RARB: variants seen among roughly 807,000 people sequenced by gnomAD.
RARB encodes the protein HBV-activated protein.
RARB carries 17 observed loss-of-function variants against 51.9 expected under a neutral mutation model. The ratio of observed to expected loss-of-function variants is 0.33; its 90% CI spans 0.22 to 0.49. The LOEUF (loss-of-function observed/expected upper bound fraction) is 0.49, where lower values mean the gene tolerates loss of function less well. Ranked by LOEUF, RARB falls within the 20% of genes least tolerant of loss-of-function variation. The pLI is 0.99. For missense variants in RARB, 369 were observed against 550.8 expected (o/e 0.67, Z 3.30); for synonymous variants, 215 against 195.4 (o/e 1.10, Z -0.84).
chr3:25,071,543 A>G lies in RARB; in HGVS notation c.-328+11367A>G, dbSNP rs191580541. The stretch of plus-strand genomic sequence containing the variant: ...CTTGCCAAACGGGAAAAACATGAAC[A>G]AGAAACTACTGCTTTGGAAACTTAG... On this transcript the variant is annotated intron_variant, in intron 3 of 11. Coordinates refer to the RARB transcript ENST00000383772. Among the ~76,000 whole-genome samples, 9 of 152,332 alleles carry G rather than the reference A, an allele frequency of 5.9e-5. No homozygotes were observed. The East Asian group carries it at 1.7e-3, about 29-fold the overall frequency.
chr3:25,283,869 C>T lies in RARB; in HGVS notation c.178+109294C>T, dbSNP rs895696964. Reference sequence around the variant, plus strand: ...TGGGGCAGGCAGCCTTCTCTAGTAGCGCTCAGTGATCCCCACCTCCTGGCA... The same window carrying T: ...TGGGGCAGGCAGCCTTCTCTAGTAGTGCTCAGTGATCCCCACCTCCTGGCA... On this transcript the variant is annotated intron_variant, in intron 5 of 11. Transcript: ENST00000383772. Among the ~76,000 whole-genome samples the T allele has an allele frequency of 1.8e-4, 28 of 152,306 alleles. No individual in the cohort carries two copies. In the East Asian group the frequency reaches 4.8e-3, roughly 26 times the overall value.
intron 5 of RARB, among the ~76,000 whole-genome samples, chr3:25,191,973 T>A (rs1195656756): frequency 1.3e-5 from 2 of 152,038 alleles, no homozygotes; most frequent in South Asian, 4.1e-4. Context: ...AGACAGTGAG[T>A]GTTGACATAA....
At chr3:24,882,160 T>C (rs1703180169) in intron 2 of RARB, among the ~76,000 whole-genome samples, 1 of 152,194 alleles carries the variant, frequency 6.6e-6, no homozygotes, top group Middle Eastern at 3.2e-3. Context: ...ACATTCTGCA[T>C]TAAAATCAAT....
chr3:25,251,231 ATT>A (rs1446018455), intron 5 of RARB, among the ~76,000 whole-genome samples: 1 of 152,012 alleles, frequency 6.6e-6, no homozygotes, highest in Non-Finnish European at 1.5e-5. Flanking sequence ...ATAATATTAT[ATT>A]TTATAGATAT....
At chr3:25,254,560 C>A (rs991175362) in intron 5 of RARB, among the ~76,000 whole-genome samples, 3 of 152,014 alleles carry the variant, frequency 2.0e-5, no homozygotes, top group African/African-American at 7.2e-5. Context: ...GTTTTTCTTT[C>A]TCTGACAGTT....
At chr3:25,464,830 G>T (rs1695351168) in intron 2 of RARB, among the ~76,000 whole-genome samples, 2 of 152,008 alleles carry the variant, frequency 1.3e-5, no homozygotes, top group South Asian at 2.1e-4. Context: ...TCAGAAAAAT[G>T]GAATTTTGTG....
upstream of RARB, among the ~76,000 whole-genome samples, chr3:25,427,863 G>A (rs753839657): frequency 1.2e-4 from 19 of 152,140 alleles, no homozygotes; most frequent in Admixed American, 3.3e-4. Flanking sequence ...GGAATTTAAA[G>A]TGTGGGCTGG....
At chr3:25,522,298 C>T (rs982083736) in intron 3 of RARB, among the ~76,000 whole-genome samples, 1 of 152,018 alleles carries the variant, frequency 6.6e-6, no homozygotes, top group Non-Finnish European at 1.5e-5. Flanking sequence ...CAGTAAACTG[C>T]GGTTGGGAAG....
chr3:25,200,244 C>A (rs1015354375), intron 5 of RARB, among the ~76,000 whole-genome samples: 1 of 150,132 alleles, frequency 6.7e-6, no homozygotes, highest in African/African-American at 2.4e-5. Flanking sequence ...TAAATGTCTT[C>A]TTTTGAGAAC....
At chr3:25,246,616 C>T (rs1312813858) in intron 5 of RARB, among the ~76,000 whole-genome samples, 2 of 152,144 alleles carry the variant, frequency 1.3e-5, no homozygotes, top group African/African-American at 2.4e-5. Flanking sequence ...GGGTTCCACT[C>T]CAGATCCTGT....
At chr3:24,978,914 C>G (rs991732726) in intron 2 of RARB, among the ~76,000 whole-genome samples, 1 of 152,178 alleles carries the variant, frequency 6.6e-6, no homozygotes, top group Non-Finnish European at 1.5e-5. Flanking sequence ...CCTCTACACA[C>G]TGCTTTAAAT....
intron 2 of RARB, among the ~76,000 whole-genome samples, chr3:24,921,220 G>T (rs1695210230): frequency 6.6e-6 from 1 of 151,930 alleles, no homozygotes; most frequent in Non-Finnish European, 1.5e-5. Context: ...ATTCATTATT[G>T]CACTCCAGAT....
chr3:24,872,898 T>C (rs1040080103), intron 2 of RARB, among the ~76,000 whole-genome samples: 4 of 152,218 alleles, frequency 2.6e-5, no homozygotes, highest in Non-Finnish European at 5.9e-5. Flanking sequence ...GCGTTGACTC[T>C]CACTTACTGT....
intron 1 of RARB, among the ~76,000 whole-genome samples, chr3:24,858,279 T>G (rs1361590076): frequency 4.6e-5 from 7 of 152,188 alleles, no homozygotes; most frequent in African/African-American, 1.7e-4. Flanking sequence ...AGCAGAACTT[T>G]TATCCAATCT....
rs572567880 is a variant in RARB, at chr3:25,358,169, G to A, written c.179-103024G>A. On this transcript the variant is annotated intron_variant, in intron 5 of 11. Coordinates refer to the RARB transcript ENST00000383772. ...CTCTTATTTCCTTGAGCAGTGGTTTGTAGTTCTCCTTGAAGAGGTCCTTCA... is the reference window on the plus strand; with the variant it reads ...CTCTTATTTCCTTGAGCAGTGGTTTATAGTTCTCCTTGAAGAGGTCCTTCA... Among the ~76,000 whole-genome samples, 27 of 152,270 alleles carry A rather than the reference G, an allele frequency of 1.8e-4. No individual in the cohort carries two copies. In the East Asian group the frequency reaches 3.3e-3, roughly 18 times the overall value.
intron 5 of RARB, among the ~76,000 whole-genome samples, chr3:25,187,364 G>A (rs1701003154): frequency 6.6e-6 from 1 of 151,694 alleles, no homozygotes; most frequent in African/African-American, 2.4e-5. Context: ...TGGTGCAGTG[G>A]GACAGGCAAG....
chr3:24,951,198 C>A (rs935553092), intron 2 of RARB, among the ~76,000 whole-genome samples: 5 of 152,152 alleles, frequency 3.3e-5, no homozygotes, highest in Admixed American at 3.3e-4. Flanking sequence ...GCATTTCCAA[C>A]CAGGCTCCAA....
intron 3 of RARB, among the ~76,000 whole-genome samples, chr3:25,092,824 T>C (rs184560855): frequency 6.6e-6 from 1 of 152,148 alleles, no homozygotes; most frequent in Non-Finnish European, 1.5e-5. Flanking sequence ...TAAGGGAGAA[T>C]GATGCACTGG....
At chr3:25,466,045 A>G (rs980456651) in intron 2 of RARB, among the ~76,000 whole-genome samples, 3 of 152,160 alleles carry the variant, frequency 2.0e-5, no homozygotes, top group African/African-American at 7.2e-5. Context: ...CTCATCTGGA[A>G]AAATGGGGGT....
Sources: allele counts gnomAD v4.1 joint callset (sites outside exome capture counted in the v4.1 genomes callset), GRCh38; gene constraint gnomAD v4.1.1; transcripts MANE v1.5; gene names NCBI Gene and HGNC (gene_info 2026-07-23, HGNC 2026-07-21).